Variants in FNDC3B observed in about 807,000 individuals in gnomAD.
The protein encoded by FNDC3B is fibronectin type III domain containing 3B, also known as fibronectin type III domain-containing protein 3B.
Under a neutral mutation model 151.5 loss-of-function variants are expected in FNDC3B, and 12 were observed. That is an observed-to-expected ratio of 0.08 (90% CI 0.05 to 0.13). The LOEUF (loss-of-function observed/expected upper bound fraction) is 0.13. FNDC3B is among the 10% of genes least tolerant of loss of function. FNDC3B has a pLI of 1.00. For synonymous variants in FNDC3B, 528 were observed against 549.0 expected, an observed-to-expected ratio of 0.96 and a Z score of 0.54; for missense variants, 1,214 against 1,505.3, an observed-to-expected ratio of 0.81 and a Z score of 3.20.
chr3:172,346,582 CA>C (rs1733628629), intron 20 of FNDC3B, 142 bp downstream of exon 20: 1 of 426,832 alleles, frequency 2.3e-6, no homozygotes, highest in Admixed American at 4.5e-5. Flanking sequence ...CTATAGTAAT[CA>C]CCCTTGGCAC....
In FNDC3B at chr3:172,392,938, G is replaced by T. The variant is rs939132477; in HGVS notation, c.3304-4226G>T. Among the ~76,000 whole-genome samples the T allele has an allele frequency of 5.9e-4, 89 of 150,488 alleles. 2 individuals are homozygous for T. The highest frequency in any genetic ancestry group is 4.2e-4 in the South Asian group (2 of 4,726). ...TCTTCTGCCTGTATCCTGTATCTGG[G>T]ATTACAGGCATATGCCACCCTACCT... On this transcript the variant is annotated intron_variant, in intron 25 of 25. Coordinates refer to ENST00000415807, the MANE Select transcript of FNDC3B (RefSeq NM_022763.4).
At chr3:172,060,337 T>C (rs1460844196) in intron 1 of FNDC3B, among the ~76,000 whole-genome samples, 2 of 151,720 alleles carry the variant, frequency 1.3e-5, no homozygotes, top group Non-Finnish European at 2.9e-5. Flanking sequence ...CAGGTGAGAG[T>C]GTAGTGGTGG....
intron 3 of FNDC3B, among the ~76,000 whole-genome samples, chr3:172,150,181 T>A (rs1466236220): frequency 6.6e-6 from 1 of 152,132 alleles, no homozygotes; most frequent in Non-Finnish European, 1.5e-5. Flanking sequence ...TAGAGATTTT[T>A]AAAAAATACT....
chr3:172,244,474 G>C (rs977445284), intron 4 of FNDC3B, among the ~76,000 whole-genome samples: 7 of 151,912 alleles, frequency 4.6e-5, no homozygotes, highest in Non-Finnish European at 7.4e-5. Flanking sequence ...TCTTATTTTG[G>C]GGGAGACTTA....
chr3:172,349,812 C>T (rs773689426), intron 21 of FNDC3B, among the ~76,000 whole-genome samples: 10 of 152,004 alleles, frequency 6.6e-5, no homozygotes, highest in South Asian at 2.1e-4. Flanking sequence ...CCTGCCACCA[C>T]GCCTGACTAA....
At chr3:172,261,629 T>G (rs1198505357) in intron 6 of FNDC3B, among the ~76,000 whole-genome samples, 1 of 152,144 alleles carries the variant, frequency 6.6e-6, no homozygotes, top group Non-Finnish European at 1.5e-5. Context: ...AGGAATTGAG[T>G]AGATAACACA....
intron 6 of FNDC3B, among the ~76,000 whole-genome samples, chr3:172,273,634 G>A (rs1228535484): frequency 6.6e-6 from 1 of 152,164 alleles, no homozygotes; most frequent in Non-Finnish European, 1.5e-5. Flanking sequence ...GGTCAAATTA[G>A]GAACTTTTGT....
intron 6 of FNDC3B, among the ~76,000 whole-genome samples, chr3:172,282,754 C>T (rs1171900771): frequency 1.3e-5 from 2 of 152,222 alleles, no homozygotes; most frequent in Admixed American, 6.5e-5. Context: ...TCAGTGTCCT[C>T]TCCCTCAGGA....
chr3:172,348,302 C>T (rs1334112078), intron 21 of FNDC3B, among the ~76,000 whole-genome samples: 1 of 152,224 alleles, frequency 6.6e-6, no homozygotes, highest in Non-Finnish European at 1.5e-5. Flanking sequence ...ATATTCGCTT[C>T]ATAACTTAAT....
At chr3:172,111,596 A>G (rs1322681316) in intron 1 of FNDC3B, among the ~76,000 whole-genome samples, 1 of 152,182 alleles carries the variant, frequency 6.6e-6, no homozygotes, top group African/African-American at 2.4e-5. Flanking sequence ...ATATCTTTTG[A>G]TACTTCCAAG....
At chr3:172,083,727 G>T (rs1718398613) in intron 1 of FNDC3B, among the ~76,000 whole-genome samples, 1 of 152,116 alleles carries the variant, frequency 6.6e-6, no homozygotes, top group Admixed American at 6.6e-5. Context: ...TAAAGAACTT[G>T]ATTTCTTCTG....
At chr3:172,045,964 T>G (rs535648477) in intron 1 of FNDC3B, among the ~76,000 whole-genome samples, 12 of 152,030 alleles carry the variant, frequency 7.9e-5, no homozygotes, top group Non-Finnish European at 1.5e-4. Context: ...GCAAGGTACC[T>G]CCAGTGAGAT....
At chr3:172,120,210 G>T (rs193214643) in intron 2 of FNDC3B, among the ~76,000 whole-genome samples, 2 of 152,298 alleles carry the variant, frequency 1.3e-5, no homozygotes, top group African/African-American at 4.8e-5. Flanking sequence ...ATAATAATAA[G>T]ATATAAGATG....
intron 6 of FNDC3B, among the ~76,000 whole-genome samples, chr3:172,280,191 C>T (rs150777066): frequency 3.3e-5 from 5 of 152,246 alleles, no homozygotes; most frequent in East Asian, 1.9e-4. Flanking sequence ...CTGGGATTAC[C>T]GGCATGAGCT....
intron 2 of FNDC3B, among the ~76,000 whole-genome samples, chr3:172,113,146 G>A (rs1720060841): frequency 6.6e-6 from 1 of 152,178 alleles, no homozygotes; most frequent in South Asian, 2.1e-4. Context: ...AAACAATTTA[G>A]ACAGTAAGTG....
chr3:172,250,785 C>G (rs776215386), intron 5 of FNDC3B, among the ~76,000 whole-genome samples: 1 of 152,080 alleles, frequency 6.6e-6, no homozygotes, highest in Non-Finnish European at 1.5e-5. Flanking sequence ...AATGGGAATG[C>G]TTTAAATGTA....
intron 23 of FNDC3B, among the ~76,000 whole-genome samples, chr3:172,372,544 A>T (rs1734932691): frequency 6.6e-6 from 1 of 152,212 alleles, no homozygotes; most frequent in East Asian, 1.9e-4. Flanking sequence ...TTTTATTTGT[A>T]TTCCTTGGCC....
chr3:172,379,027 C>T (rs1016672943), intron 24 of FNDC3B, among the ~76,000 whole-genome samples: 4 of 152,214 alleles, frequency 2.6e-5, no homozygotes, highest in African/African-American at 9.6e-5. Context: ...CCATATCTCT[C>T]GAAGCTAGTG....
intron 11 of FNDC3B, among the ~76,000 whole-genome samples, chr3:172,316,000 C>CTTTTTTTTTTTTTTTTT (rs555242809): frequency 8.8e-5 from 7 of 79,878 alleles, no homozygotes; most frequent in Admixed American, 1.6e-4. Flanking sequence ...CTTTCTTCTT[C>CTTTTTTTTTTTTTTTTT]TTTTTTTTTT....
Sources: allele counts gnomAD v4.1 joint callset (sites outside exome capture counted in the v4.1 genomes callset), GRCh38; gene constraint gnomAD v4.1.1; transcripts MANE v1.5; gene names NCBI Gene and HGNC (gene_info 2026-07-23, HGNC 2026-07-21).